PMM2: variants seen among roughly 807,000 people sequenced by gnomAD.
PMM2 encodes the protein mannose-6-phosphate isomerase.
PMM2 carries 35 observed loss-of-function variants against 33.2 expected under a neutral mutation model. The ratio of observed to expected loss-of-function variants is 1.06; its 90% CI spans 0.81 to 1.40. PMM2 has a LOEUF of 1.40. Ranked by LOEUF, PMM2 falls within the 40% of genes most tolerant of loss-of-function variation. The pLI, the probability that PMM2 is intolerant of heterozygous loss-of-function variation, is 0.00. For missense variants in PMM2, 386 were observed against 306.0 expected (o/e 1.26, Z -1.95); for synonymous variants, 153 against 114.7 (o/e 1.33, Z -2.13).
chr16:8,838,815 G>C (rs1238942458), intron 7 of PMM2, among the ~76,000 whole-genome samples: 1 of 152,002 alleles, frequency 6.6e-6, no homozygotes, highest in Non-Finnish European at 1.5e-5. Flanking sequence ...GCAAGTTTTT[G>C]GGCTCTATGC....
intron 7 of PMM2, among the ~76,000 whole-genome samples, chr16:8,844,435 TC>T (rs2060910915): frequency 6.6e-6 from 1 of 151,104 alleles, no homozygotes; most frequent in Admixed American, 6.6e-5. Context: ...TACTTGCCTC[TC>T]CCCCAGAAAA....
At position 8,847,792 on chromosome 16, in the gene PMM2, C is replaced by G. The variant is rs752495420; in HGVS notation, c.708C>G (p.Asp236Glu). The change falls in exon 8 of 8, where the codon GAC becomes GAG. Residue 236 changes from aspartate to glutamate, a missense_variant. By Grantham distance (45) the Asp-to-Glu change is conservative. Transcript: ENST00000268261. Reference sequence around the variant, plus strand: ...GCTACTCCGTGACAGCGCCTGAGGACACGCGCAGGATCTGTGAACTGCTGT... The same window carrying G: ...GCTACTCCGTGACAGCGCCTGAGGAGACGCGCAGGATCTGTGAACTGCTGT... Reference protein sequence around the residue: ...TMGYSVTAPEDTRRICELLFS With the variant: ...TMGYSVTAPEETRRICELLFS 22 of 1,613,906 alleles carry G rather than the reference C, an allele frequency of 1.4e-5. No homozygotes were observed. In the Admixed American group the frequency reaches 3.5e-4, roughly 26 times the overall value.
intron 6 of PMM2, among the ~76,000 whole-genome samples, chr16:8,812,549 C>T (rs1196619170): frequency 1.3e-5 from 2 of 152,188 alleles, no homozygotes; most frequent in Non-Finnish European, 2.9e-5. Context: ...CCCGTGAGCA[C>T]TGCCTGTAAA....
chr16:8,830,676 A>C (rs1175773748), intron 7 of PMM2, among the ~76,000 whole-genome samples: 2 of 152,324 alleles, frequency 1.3e-5, no homozygotes, highest in East Asian at 3.9e-4. Context: ...AAGCGATGTT[A>C]TTCTCAGGAG....
In PMM2 at chr16:8,834,435, C is replaced by G. The variant is rs547913793; in HGVS notation, c.640-13289C>G. Among the ~76,000 whole-genome samples the G allele has an allele frequency of 2.6e-5, 4 of 151,856 alleles. No individual in the cohort carries two copies. In the South Asian group the frequency reaches 8.3e-4, roughly 32 times the overall value. The stretch of plus-strand genomic sequence containing the variant: ...AGAAGGGAAGAAATGACTGCGGTGG[C>G]CTTCTCAGACCCTGTAGGAAAGGCC... On this transcript the variant is annotated intron_variant, in intron 7 of 7. Coordinates refer to ENST00000268261, the MANE Select transcript of PMM2 (RefSeq NM_000303.3).
chr16:8,817,777 A>G (rs2060716204), intron 7 of PMM2, among the ~76,000 whole-genome samples: 1 of 152,222 alleles, frequency 6.6e-6, no homozygotes, highest in African/African-American at 2.4e-5. Context: ...ATAATCATCC[A>G]ACAATGTCCC....
intron 2 of PMM2, 38 bp downstream of exon 2, chr16:8,801,948 T>A: frequency 7.4e-7 from 1 of 1,348,708 alleles, no homozygotes; most frequent in African/African-American, 1.5e-5. Context: ...GGTAAAAGAT[T>A]AACTTCTTAT....
intron 2 of PMM2, among the ~76,000 whole-genome samples, chr16:8,803,698 A>T (rs568205349): frequency 2.8e-4 from 43 of 151,986 alleles, no homozygotes; most frequent in African/African-American, 9.9e-4. Context: ...TTATTTATTT[A>T]TTTATTTTTA....
intron 7 of PMM2, among the ~76,000 whole-genome samples, chr16:8,846,487 G>C (rs188127611): frequency 6.6e-6 from 1 of 152,198 alleles, no homozygotes; most frequent in East Asian, 1.9e-4. Context: ...TGCAGGGCTC[G>C]GGGTTGCGGG....
rs1447294781 is a variant in PMM2, at chr16:8,849,274, C to G, written c.*1449C>G. 1 of 152,290 alleles carries G rather than the reference C, an allele frequency of 6.6e-6. No homozygotes were observed. The highest frequency in any genetic ancestry group is 1.5e-5 in the Non-Finnish European group (1 of 68,062). The allele number at this position is 152,290 out of a possible 1,614,324, so 9.4% of individuals were successfully genotyped here. A position where few individuals can be genotyped will look rare whatever the true frequency, so the allele number is the denominator to read the frequency against. ...CGGCATCTTTCCTTGTCGAATGATA[C>G]TGTAATGACCTTCCAAAGTGAAGAG... is the stretch of plus-strand genomic sequence containing the variant. On this transcript the variant is annotated 3_prime_UTR_variant, in exon 8 of 8. Transcript: ENST00000268261.
chr16:8,830,567 A>G (rs1266566920), intron 7 of PMM2, among the ~76,000 whole-genome samples: 1 of 151,860 alleles, frequency 6.6e-6, no homozygotes, highest in Non-Finnish European at 1.5e-5. Flanking sequence ...GGTGGGATCA[A>G]AGTGCCGGTT....
chr16:8,844,887 T>G (rs2060914896), intron 7 of PMM2, among the ~76,000 whole-genome samples: 1 of 152,204 alleles, frequency 6.6e-6, no homozygotes, highest in Non-Finnish European at 1.5e-5. Context: ...TTATTGGATT[T>G]GAAATTGGTG....
intron 7 of PMM2, among the ~76,000 whole-genome samples, chr16:8,839,123 C>T (rs886968602): frequency 2.0e-5 from 3 of 151,790 alleles, no homozygotes; most frequent in Non-Finnish European, 4.4e-5. Context: ...AGTCCTAAAC[C>T]GACCATCAAG....
intron 7 of PMM2, among the ~76,000 whole-genome samples, chr16:8,835,950 A>G (rs929566834): frequency 6.6e-6 from 1 of 151,694 alleles, no homozygotes; most frequent in Non-Finnish European, 1.5e-5. Context: ...GCTGTAGTTC[A>G]GGAATACTCA....
chr16:8,801,515 A>C (rs1398226811), intron 1 of PMM2, among the ~76,000 whole-genome samples: 1 of 152,092 alleles, frequency 6.6e-6, no homozygotes, highest in African/African-American at 2.4e-5. Context: ...TACAAAATAT[A>C]AAAAAATTAG....
intron 7 of PMM2, among the ~76,000 whole-genome samples, chr16:8,817,509 T>C (rs982213848): frequency 6.6e-6 from 1 of 152,236 alleles, no homozygotes; most frequent in African/African-American, 2.4e-5. Flanking sequence ...GAAGCCTCAG[T>C]TGGGACTTTG....
chr16:8,840,354 C>T (rs12931269), intron 7 of PMM2, among the ~76,000 whole-genome samples: 64,661 of 151,512 alleles, frequency 0.43, 14,300 homozygotes, highest in Non-Finnish European at 0.48. Flanking sequence ...GGGATAGCAC[C>T]AAGAGATATC....
chr16:8,831,919 C>G (rs2060812112), intron 7 of PMM2, among the ~76,000 whole-genome samples: 1 of 152,170 alleles, frequency 6.6e-6, no homozygotes, highest in South Asian at 2.1e-4. Flanking sequence ...TTCTTCCCTC[C>G]CCCCTTCCCT....
At chr16:8,813,357 A>T (rs972114045) in intron 7 of PMM2, among the ~76,000 whole-genome samples, 13 of 152,112 alleles carry the variant, frequency 8.5e-5, no homozygotes, top group Non-Finnish European at 1.6e-4. Context: ...TTGGAATTAA[A>T]CGTTGGCCAC....
Sources: allele counts gnomAD v4.1 joint callset (sites outside exome capture counted in the v4.1 genomes callset), GRCh38; gene constraint gnomAD v4.1.1; transcripts MANE v1.5; gene names NCBI Gene and HGNC (gene_info 2026-07-23, HGNC 2026-07-21).